Variants in CLPX observed in about 807,000 individuals in gnomAD.
The protein encoded by CLPX is ATP-dependent clpX-like chaperone, mitochondrial.
CLPX carries 34 observed loss-of-function variants against 76.4 expected under a neutral mutation model. That is an observed-to-expected ratio of 0.45 (90% CI 0.34 to 0.59). The LOEUF (loss-of-function observed/expected upper bound fraction) is 0.59. CLPX is among the 20% of genes least tolerant of loss of function. CLPX has a pLI of 0.01. For synonymous variants in CLPX, 248 were observed against 270.9 expected (o/e 0.92, Z 0.83); for missense variants, 613 against 757.0 (o/e 0.81, Z 2.23).
rs759281371 is a variant in CLPX at position 65,158,659 on chromosome 15, G to A, written c.808C>T (p.Arg270Ter). The A allele has an allele frequency of 1.2e-5, 19 of 1,613,372 alleles. No homozygotes were observed. The highest frequency in any genetic ancestry group is 3.3e-5 in the Admixed American group (2 of 59,952). ...GAAGAATCCAATACTTCACCTCCTC[G>A]TTTTTCCTGAGGTATTTGTTGATTT... ...QVNQQIPQEKRGGEVLDSSHD... is the reference protein window; with the variant it reads ...QVNQQIPQEK The change falls in exon 7 of 14, where the codon CGA (arginine) becomes TGA (stop). Residue 270 changes from arginine (R) to a stop codon, truncating the protein, a stop_gained. Transcript: ENST00000300107. LOFTEE classifies it high-confidence loss of function.
At chr15:65,167,510 A>G (rs1211633995) in intron 3 of CLPX, among the ~76,000 whole-genome samples, 17 of 152,216 alleles carry the variant, frequency 1.1e-4, no homozygotes, top group Admixed American at 9.8e-4. Flanking sequence ...AACATATACA[A>G]AAGTTGAAAG....
At chr15:65,180,549 C>A (rs1595948265) in intron 1 of CLPX, among the ~76,000 whole-genome samples, 1 of 137,480 alleles carries the variant, frequency 7.3e-6, no homozygotes, top group Admixed American at 7.5e-5. Context: ...GCCCTATATT[C>A]TTATTATTTC....
intron 1 of CLPX, among the ~76,000 whole-genome samples, chr15:65,181,485 G>C (rs944503881): frequency 2.0e-5 from 3 of 152,090 alleles, no homozygotes; most frequent in Admixed American, 6.6e-5. Context: ...AGGTGTGATG[G>C]CTCACGCCTG....
In CLPX at chr15:65,180,237, G is replaced by A. The variant is rs889010216; in HGVS notation, c.80-33C>T. ...TAAAAGGAAATCTACATCAAATATAGACATGCCTCAATAAATCCCCTGGAA... is the reference window on the plus strand; with the variant it reads ...TAAAAGGAAATCTACATCAAATATAAACATGCCTCAATAAATCCCCTGGAA... On this transcript the variant is annotated intron_variant, in intron 1 of 13. Transcript: ENST00000300107. The A allele has an allele frequency of 2.0e-6, 3 of 1,510,362 alleles. No individual in the cohort carries two copies. In the African/African-American group the frequency reaches 4.2e-5, roughly 21 times the overall value. 93.6% of individuals were successfully genotyped at this position (1,510,362 alleles called of 1,614,324 possible).
chr15:65,185,019 C>G (rs969757930), intron 1 of CLPX, 56 bp downstream of exon 1: 2 of 1,464,626 alleles, frequency 1.4e-6, no homozygotes, highest in Admixed American at 2.0e-5. Context: ...CAACCATTGG[C>G]CAGTCCACCC....
chr15:65,178,372 T>C (rs2088116787), intron 3 of CLPX, among the ~76,000 whole-genome samples: 1 of 152,100 alleles, frequency 6.6e-6, no homozygotes, highest in East Asian at 1.9e-4. Flanking sequence ...AAGAAGCAAA[T>C]GTTTTTCTTA....
At chr15:65,177,440 G>C (rs897445661) in intron 3 of CLPX, among the ~76,000 whole-genome samples, 1 of 152,126 alleles carries the variant, frequency 6.6e-6, no homozygotes, top group African/African-American at 2.4e-5. Context: ...ATGGGATGGA[G>C]CTACTTTAAG....
chr15:65,173,551 A>T (rs1418881271), intron 3 of CLPX, among the ~76,000 whole-genome samples: 1 of 152,058 alleles, frequency 6.6e-6, no homozygotes, highest in Non-Finnish European at 1.5e-5. Flanking sequence ...CTAAACATAT[A>T]CCCAAGAGAG....
In CLPX at chr15:65,153,626, A is replaced by G; in HGVS notation, c.1625T>C (p.Val542Ala). The change falls in exon 12 of 14, where the codon GTT (valine) becomes GCT (alanine). Residue 542 changes from valine (V) to alanine (A), a missense_variant. Physicochemically the swap from Val to Ala is moderately conservative, Grantham distance 64. Around this residue, in one of 2 missense-constraint regions of CLPX, gnomAD observed 450 missense variants for 638.6 expected, o/e 0.70. Transcript: ENST00000300107. The part of the protein sequence containing the change: ...LFSMDKCELN[V>A]TEDALKAIAR... ...TATAGCTTTCAAAGCATCCTCAGTA[A>G]CATTCAGTTCACACTACAAATACAT... The G allele has an allele frequency of 6.4e-7, 1 of 1,571,964 alleles. No homozygotes were observed. Among genetic ancestry groups the G allele is most frequent in the Non-Finnish European group, 8.6e-7 (1 of 1,159,366 alleles).
chr15:65,157,732 T>C lies in CLPX; in HGVS notation c.1057+14A>G. The C allele has an allele frequency of 1.2e-6, 2 of 1,609,810 alleles. No individual in the cohort carries two copies. The highest frequency in any genetic ancestry group is 1.7e-6 in the Non-Finnish European group (2 of 1,177,938). On this transcript the variant is annotated intron_variant, in intron 8 of 13. Transcript: ENST00000300107. ...ATATTCTAAATCTGGGGACAGACCA[T>C]GCTGAAAACATACCTTGTTGTGCTT...
At position 65,167,713 on chromosome 15, in the gene CLPX, T is replaced by TA. The variant is rs753139026; in HGVS notation, c.359-929dup. On this transcript the variant is annotated intron_variant, in intron 3 of 13. Coordinates refer to ENST00000300107, the MANE Select transcript of CLPX (RefSeq NM_006660.5). The stretch of plus-strand genomic sequence containing the variant: ...CAACATGATGAAACCCCGTCTCTAC[T>TA]AAAAAAAAAAAAAAAAATACAAAAA... Among the ~76,000 whole-genome samples, 156 of 132,666 alleles carry TA rather than the reference T, an allele frequency of 1.2e-3. 2 individuals carry two copies. The highest frequency in any genetic ancestry group is 3.8e-3 in the African/African-American group (134 of 35,602). 87.0% of individuals were successfully genotyped at this position (132,666 alleles called of 152,430 possible).
Position 65,157,743 on chromosome 15 carries a change from T to A in CLPX, c.1057+3A>T, listed in dbSNP as rs752543706. ...CTGGGGACAGACCATGCTGAAAACA[T>A]ACCTTGTTGTGCTTTTTCCACATTA... is the stretch of plus-strand genomic sequence containing the variant. On this transcript the variant is annotated splice_donor_region_variant and intron_variant, in intron 8 of 13. Transcript: ENST00000300107. 3.7e-6 allele frequency: 6 copies of A among 1,612,002 alleles called. No individual in the cohort carries two copies. Among genetic ancestry groups the A allele is most frequent in the Non-Finnish European group, 5.1e-6 (6 of 1,179,140 alleles).
chr15:65,185,018 G>A (rs2088236469), intron 1 of CLPX, 57 bp downstream of exon 1: 24 of 1,463,620 alleles, frequency 1.6e-5, no homozygotes, highest in Non-Finnish European at 2.1e-5. Context: ...CCAACCATTG[G>A]CCAGTCCACC....
chr15:65,168,659 A>C (rs2087953906), intron 3 of CLPX, among the ~76,000 whole-genome samples: 1 of 151,476 alleles, frequency 6.6e-6, no homozygotes, highest in South Asian at 2.1e-4. Flanking sequence ...ATGATGAGTT[A>C]ACGGGTGCAG....
At chr15:65,154,636 T>C in intron 11 of CLPX, 146 bp downstream of exon 11, 1 of 627,040 alleles carries the variant, frequency 1.6e-6, no homozygotes, top group South Asian at 2.2e-5. Context: ...ACAATATGCC[T>C]TCCTTGATTC....
At position 65,155,815 on chromosome 15, in the gene CLPX, T is replaced by C. The variant is rs1366943169; in HGVS notation, c.1188A>G (p.Pro396=). Residue 396 remains proline, a synonymous_variant, in exon 10 of 14, where the codon CCA becomes CCG. Coordinates refer to ENST00000300107, the MANE Select transcript of CLPX (RefSeq NM_006660.5). ...CACGGAGCTTTCGGGAATTCTTTTCTGGAACATTGACTATTGTGCCTTCTA... is the reference window on the plus strand; with the variant it reads ...CACGGAGCTTTCGGGAATTCTTTTCCGGAACATTGACTATTGTGCCTTCTA... ...KLLEGTIVNV[P]EKNSRKLRGE... 6.2e-7 allele frequency: 1 copy of C among 1,614,060 alleles called. No homozygotes were observed. Among genetic ancestry groups the C allele is most frequent in the Non-Finnish European group, 8.5e-7 (1 of 1,179,936 alleles).
chr15:65,153,623 G>T lies in CLPX; in HGVS notation c.1628C>A (p.Thr543Asn). 2 of 1,571,236 alleles carry T rather than the reference G, an allele frequency of 1.3e-6. No homozygotes were observed. The highest frequency in any genetic ancestry group is 2.4e-5 in the South Asian group (2 of 84,732). ...GGCTATAGCTTTCAAAGCATCCTCAGTAACATTCAGTTCACACTACAAATA... is the reference window on the plus strand; with the variant it reads ...GGCTATAGCTTTCAAAGCATCCTCATTAACATTCAGTTCACACTACAAATA... ...FSMDKCELNV[T>N]EDALKAIARL... Residue 543 changes from threonine (T) to asparagine (N), a missense_variant, in exon 12 of 14, where the codon ACT becomes AAT. Thr to Asn is a moderately conservative substitution (Grantham distance 65). Transcript: ENST00000300107.
At chr15:65,174,305 C>G (rs2088056447) in intron 3 of CLPX, among the ~76,000 whole-genome samples, 1 of 147,188 alleles carries the variant, frequency 6.8e-6, no homozygotes, top group Non-Finnish European at 1.5e-5. Flanking sequence ...CGCTCTGTCA[C>G]CCAGGCTGGA....
At chr15:65,155,435 G>T (rs1313953843) in intron 10 of CLPX, among the ~76,000 whole-genome samples, 1 of 152,128 alleles carries the variant, frequency 6.6e-6, no homozygotes, top group Non-Finnish European at 1.5e-5. Flanking sequence ...ATTTTTAGTA[G>T]AGACAGGGTT....
Sources: allele counts gnomAD v4.1 joint callset (sites outside exome capture counted in the v4.1 genomes callset), GRCh38; gene constraint gnomAD v4.1.1; regional missense constraint gnomAD v4.1.1; transcripts MANE v1.5; gene names NCBI Gene and HGNC (gene_info 2026-07-23, HGNC 2026-07-21).